The following GPX8 variants were observed in gnomAD, a reference collection of about 807,000 sequenced individuals.
GPX8 encodes protein peroxidase GPX8.
GPX8 carries 12 observed loss-of-function variants against 17.8 expected under a neutral mutation model. The observed-to-expected ratio is 0.67, with a 90% CI of 0.43 to 1.09. The LOEUF is 1.09. Among genes scored for constraint, GPX8 ranks in the 50% least tolerant of loss-of-function variants. The pLI, the probability that GPX8 is intolerant of heterozygous loss-of-function variation, is 0.00. For synonymous variants in GPX8, 86 were observed against 88.1 expected, an observed-to-expected ratio of 0.98 and a Z score of 0.14; for missense variants, 209 against 235.6, an observed-to-expected ratio of 0.89 and a Z score of 0.74.
Position 55,161,087 on chromosome 5 carries a change from C to G in GPX8, c.298C>G (p.His100Asp), listed in dbSNP as rs767177389. The change falls in exon 2 of 3, where the codon CAC (histidine) becomes GAC (aspartate). Residue 100 changes from histidine (H) to aspartate (D), a missense_variant. By Grantham distance (81) the His-to-Asp change is moderately conservative. Transcript: ENST00000503787. ...KELHKEFGPSHFSVLAFPCNQ... is the reference protein window; with the variant it reads ...KELHKEFGPSDFSVLAFPCNQ... ...ACTGCACAAAGAGTTTGGACCATCC[C>G]ACTTCAGCGTGTTGGCTTTTCCCTG... 6.2e-7 allele frequency: 1 copy of G among 1,614,192 alleles called. No individual in the cohort carries two copies. The highest frequency in any genetic ancestry group is 8.5e-7 in the Non-Finnish European group (1 of 1,180,028).
Position 55,164,238 on chromosome 5 carries a change from A to G in GPX8, c.*20A>G. 6.7e-7 allele frequency: 1 copy of G among 1,503,492 alleles called. No individual in the cohort carries two copies. The highest frequency in any genetic ancestry group is 9.0e-7 in the Non-Finnish European group (1 of 1,114,944). The allele number at this position is 1,503,492 out of a possible 1,614,324, so 93.1% of individuals were successfully genotyped here. On this transcript the variant is annotated 3_prime_UTR_variant, in exon 3 of 3. Transcript: ENST00000503787. ...CTATGAGAATGCCATTGCGTTTCTA[A>G]TAGAACAGAGAAATGTCTCCATGAG...
In GPX8 at chr5:55,166,521, G is replaced by A. The variant is rs1022909967; in HGVS notation, c.*2303G>A. The A allele has an allele frequency of 6.6e-6, 1 of 152,248 alleles. No individual in the cohort carries two copies. The highest frequency in any genetic ancestry group is 1.5e-5 in the Non-Finnish European group (1 of 68,072). The allele number at this position is 152,248 out of a possible 1,614,324, so 9.4% of individuals were successfully genotyped here. A position where few individuals can be genotyped will look rare whatever the true frequency, so the allele number is the denominator to read the frequency against. On this transcript the variant is annotated 3_prime_UTR_variant, in exon 3 of 3. Transcript: ENST00000503787. ...TCCCTTCGGGGTTCTGTAACAATTA[G>A]GCTATGTGTGCTGAGAGAGGGAGCG...
chr5:55,162,002 T>G (rs1744091030), intron 2 of GPX8, among the ~76,000 whole-genome samples: 1 of 151,198 alleles, frequency 6.6e-6, no homozygotes, highest in South Asian at 2.1e-4. Context: ...CTTCTTAAGA[T>G]TGTTTGGAAT....
chr5:55,163,227 A>C (rs1744184662), intron 2 of GPX8, among the ~76,000 whole-genome samples: 1 of 152,170 alleles, frequency 6.6e-6, no homozygotes, highest in African/African-American at 2.4e-5. Flanking sequence ...GATTTATCAA[A>C]AGGATATCAT....
At position 55,165,941 on chromosome 5, in the gene GPX8, G is replaced by T. The variant is rs78932953; in HGVS notation, c.*1723G>T. 6.6e-6 allele frequency: 1 copy of T among 152,178 alleles called. No homozygotes were observed. The highest frequency in any genetic ancestry group is 2.4e-5 in the African/African-American group (1 of 41,448). The allele number at this position is 152,178 out of a possible 1,614,324, so 9.4% of individuals were successfully genotyped here. ...ATCAGAACTAACCTGGATTGTTAGCGAAGAAAACAGAAGCCACCAACAAGC... is the reference window on the plus strand; with the variant it reads ...ATCAGAACTAACCTGGATTGTTAGCTAAGAAAACAGAAGCCACCAACAAGC... On this transcript the variant is annotated 3_prime_UTR_variant, in exon 3 of 3. Transcript: ENST00000503787.
rs1744280910 is a variant in GPX8 at position 55,164,579 on chromosome 5, G to T, written c.*361G>T. The T allele has an allele frequency of 6.4e-6, 1 of 155,672 alleles. No homozygotes were observed. Among genetic ancestry groups the T allele is most frequent in the South Asian group, 2.1e-4 (1 of 4,862 alleles). The allele number at this position is 155,672 out of a possible 1,614,324, so 9.6% of individuals were successfully genotyped here. On this transcript the variant is annotated 3_prime_UTR_variant, in exon 3 of 3. Transcript: ENST00000503787. Reference sequence around the variant, plus strand: ...GACCAATGTGCCTCAATATCTTATTGTTCAACTTGACATTTTCTAGGACTG... The same window carrying T: ...GACCAATGTGCCTCAATATCTTATTTTTCAACTTGACATTTTCTAGGACTG...
intron 1 of GPX8, chr5:55,160,736 G>A (rs927960676): frequency 7.4e-5 from 35 of 471,208 alleles, no homozygotes; most frequent in African/African-American, 6.6e-4. Flanking sequence ...ACTTATCAAG[G>A]ATCATAGTTT....
chr5:55,160,339 C>A lies in GPX8; in HGVS notation c.147C>A (p.Ala49=). Residue 49 remains alanine (A), a synonymous_variant, in exon 1 of 3, where the codon GCC becomes GCA. Transcript: ENST00000503787. ...FLKPKINSFY[A]FEVKDAKGRT... ...AACCTAAAATCAACAGCTTTTATGC[C>A]TTTGAAGTGAAGGATGCAAAAGGAA... is the stretch of plus-strand genomic sequence containing the variant. The A allele has an allele frequency of 6.2e-7, 1 of 1,613,676 alleles. No individual in the cohort carries two copies. Among genetic ancestry groups the A allele is most frequent in the South Asian group, 1.1e-5 (1 of 91,070 alleles).
Position 55,161,169 on chromosome 5 carries a change from G to C in GPX8, c.380G>C (p.Arg127Thr). The C allele has an allele frequency of 6.2e-7, 1 of 1,614,154 alleles. No homozygotes were observed. Among genetic ancestry groups the C allele is most frequent in the Non-Finnish European group, 8.5e-7 (1 of 1,180,012 alleles). Reference sequence around the variant, plus strand: ...AGCAAGGAAGTAGAATCTTTTGCAAGAAAAAACTACGGAGTAACTTTCCCC... The same window carrying C: ...AGCAAGGAAGTAGAATCTTTTGCAACAAAAAACTACGGAGTAACTTTCCCC... Reference protein sequence around the residue: ...RPSKEVESFARKNYGVTFPIF... With the variant: ...RPSKEVESFATKNYGVTFPIF... Residue 127 changes from arginine (R) to threonine (T), a missense_variant, in exon 2 of 3, where the codon AGA becomes ACA. Arg to Thr is a moderately conservative substitution (Grantham distance 71). Transcript: ENST00000503787.
In GPX8 at chr5:55,165,305, T is replaced by C. The variant is rs1744323841; in HGVS notation, c.*1087T>C. On this transcript the variant is annotated 3_prime_UTR_variant, in exon 3 of 3. Coordinates refer to ENST00000503787, the MANE Select transcript of GPX8 (RefSeq NM_001008397.4). ...CCTTTATATTTTGTTAGCCTTATAA[T>C]TGACTAACAAAGCAACCTGCCAAGT... The C allele has an allele frequency of 6.6e-6, 1 of 152,178 alleles. No homozygotes were observed. The highest frequency in any genetic ancestry group is 6.5e-5 in the Admixed American group (1 of 15,272). The allele number at this position is 152,178 out of a possible 1,614,324, so 9.4% of individuals were successfully genotyped here.
chr5:55,161,936 TCTTAA>T (rs1744087643), intron 2 of GPX8, among the ~76,000 whole-genome samples: 1 of 152,136 alleles, frequency 6.6e-6, no homozygotes, highest in Admixed American at 6.6e-5. Context: ...CTATGTGGCT[TCTTAA>T]CTTCTCTGTG....
At position 55,164,108 on chromosome 5, in the gene GPX8, G is replaced by C. The variant is rs1744246125; in HGVS notation, c.520G>C (p.Glu174Gln). The change falls in exon 3 of 3, where the codon GAG becomes CAG. Residue 174 changes from glutamate to glutamine, a missense_variant. Glu to Gln is a conservative substitution (Grantham distance 29). Coordinates refer to ENST00000503787, the MANE Select transcript of GPX8 (RefSeq NM_001008397.4). The part of the protein sequence containing the change: ...WNFWKYLVNP[E>Q]GQVVKFWKPE... ...TTTTTGGAAGTATCTTGTCAACCCT[G>C]AGGGTCAAGTTGTGAAGTTCTGGAA... 1.9e-6 allele frequency: 3 copies of C among 1,604,950 alleles called. 1 individual carries two copies. The highest frequency in any genetic ancestry group is 2.7e-5 in the African/African-American group (2 of 74,774).
rs1434956319 is a variant in GPX8 at position 55,160,300 on chromosome 5, A to C, written c.108A>C (p.Gln36His). ...VLCTVTLFLL[Q>H]LKFLKPKINS... ...GCACAGTAACGCTATTTCTTCTACA[A>C]CTAAAATTCCTCAAACCTAAAATCA... is the stretch of plus-strand genomic sequence containing the variant. The change falls in exon 1 of 3, where the codon CAA (glutamine) becomes CAC (histidine). Residue 36 changes from glutamine to histidine, a missense_variant. By Grantham distance (24) the Gln-to-His change is conservative. Coordinates refer to ENST00000503787, the MANE Select transcript of GPX8 (RefSeq NM_001008397.4). The C allele has an allele frequency of 6.2e-7, 1 of 1,613,896 alleles. No individual in the cohort carries two copies.
At chr5:55,163,434 A>C (rs1194851596) in intron 2 of GPX8, among the ~76,000 whole-genome samples, 1 of 152,026 alleles carries the variant, frequency 6.6e-6, no homozygotes, top group East Asian at 1.9e-4. Context: ...CAAAATACAA[A>C]AATTTGCCTG....
Position 55,160,300 on chromosome 5 carries a change from A to G in GPX8, c.108A>G (p.Gln36=). The change falls in exon 1 of 3, where the codon CAA becomes CAG. Residue 36 remains glutamine, a synonymous_variant. Coordinates refer to ENST00000503787, the MANE Select transcript of GPX8 (RefSeq NM_001008397.4). The part of the protein sequence containing the change: ...VLCTVTLFLL[Q]LKFLKPKINS... ...GCACAGTAACGCTATTTCTTCTACA[A>G]CTAAAATTCCTCAAACCTAAAATCA... is the stretch of plus-strand genomic sequence containing the variant. The G allele has an allele frequency of 1.9e-6, 3 of 1,613,896 alleles. No homozygotes were observed. In the Middle Eastern group the frequency reaches 5.0e-4, roughly 268 times the overall value.
chr5:55,163,998 G>GA, intron 2 of GPX8, 57 bp from the exon 3 acceptor site: 1 of 1,321,884 alleles, frequency 7.6e-7, no homozygotes, highest in Non-Finnish European at 1.0e-6. Flanking sequence ...TAATAGAAGT[G>GA]AAAATCTTGA....
chr5:55,160,525 G>A (rs1743991637), intron 1 of GPX8, 129 bp downstream of exon 1: 1 of 645,470 alleles, frequency 1.5e-6, no homozygotes, highest in Non-Finnish European at 2.7e-6. Context: ...AATGGTATTA[G>A]TACATCACTT....
rs1744052990 is a variant in GPX8, at chr5:55,161,365, A to T, written c.466+110A>T. On this transcript the variant is annotated intron_variant, in intron 2 of 2. Coordinates refer to ENST00000503787, the MANE Select transcript of GPX8 (RefSeq NM_001008397.4). ...TGAAACGTTGTATCGGGAAAGCTTC[A>T]TAAAACTATCATCAAAGAGCCAGAA... The T allele has an allele frequency of 2.8e-6, 3 of 1,066,570 alleles. No individual in the cohort carries two copies. The African/African-American group carries it at 4.7e-5, about 17-fold the overall frequency. The allele number at this position is 1,066,570 out of a possible 1,614,324, so 66.1% of individuals were successfully genotyped here.
In GPX8 at chr5:55,164,205, A is replaced by G. The variant is rs1231390192; in HGVS notation, c.617A>G (p.Lys206Arg). The change falls in exon 3 of 3, where the codon AAA becomes AGA. Residue 206 changes from lysine (K) to arginine (R), a missense_variant. Coordinates refer to ENST00000503787, the MANE Select transcript of GPX8 (RefSeq NM_001008397.4). ...GTTAGACAAGTGATCATAAAAAAGAAAGAGGATCTATGAGAATGCCATTGC... is the reference window on the plus strand; with the variant it reads ...GTTAGACAAGTGATCATAAAAAAGAGAGAGGATCTATGAGAATGCCATTGC... ...ALVRQVIIKK[K>R]EDL is the part of the protein sequence containing the mutation. 1 of 1,555,226 alleles carries G rather than the reference A, an allele frequency of 6.4e-7. No individual in the cohort carries two copies. The highest frequency in any genetic ancestry group is 1.2e-5 in the South Asian group (1 of 81,760).
Sources: allele counts gnomAD v4.1 joint callset (sites outside exome capture counted in the v4.1 genomes callset), GRCh38; gene constraint gnomAD v4.1.1; transcripts MANE v1.5; gene names NCBI Gene and HGNC (gene_info 2026-07-23, HGNC 2026-07-21).